The following ALDH1L1 variants were observed in gnomAD, a reference collection of about 807,000 sequenced individuals.
ALDH1L1 encodes the protein cytosolic 10-formyltetrahydrofolate dehydrogenase.
A neutral mutation model predicts 101.1 loss-of-function variants in ALDH1L1; 68 were observed. That is an observed-to-expected ratio of 0.67 (90% CI 0.55 to 0.82). The LOEUF (loss-of-function observed/expected upper bound fraction) is 0.82. Among genes scored for constraint, ALDH1L1 ranks in the 40% least tolerant of loss-of-function variants. The pLI is 0.00. For synonymous variants in ALDH1L1, 486 were observed against 470.8 expected, an observed-to-expected ratio of 1.03 and a Z score of -0.42; for missense variants, 1,087 against 1,172.7, an observed-to-expected ratio of 0.93 and a Z score of 1.07.
At chr3:126,131,721 G>A (rs190018310) in intron 12 of ALDH1L1, among the ~76,000 whole-genome samples, 187 bp from the exon 13 acceptor site, 158 of 152,374 alleles carry the variant, frequency 1.0e-3, no homozygotes, top group African/African-American at 3.7e-3. Flanking sequence ...GGATAGCTGT[G>A]AGGATGACAC....
intron 18 of ALDH1L1, 85 bp from the exon 19 acceptor site, chr3:126,112,965 T>TA: frequency 1.6e-6 from 2 of 1,276,986 alleles, no homozygotes; most frequent in Non-Finnish European, 1.1e-6. Flanking sequence ...CCGCCTCTTC[T>TA]AATTAGGAAA....
chr3:126,135,408 G>A (rs766383335), intron 12 of ALDH1L1, 127 bp downstream of exon 12: 12 of 1,333,790 alleles, frequency 9.0e-6, no homozygotes, highest in Admixed American at 2.7e-5. Flanking sequence ...TGATGGCCTC[G>A]GTCCCATAGC....
chr3:126,132,182 C>A (rs1412422436), intron 12 of ALDH1L1, among the ~76,000 whole-genome samples: 1 of 152,236 alleles, frequency 6.6e-6, no homozygotes, highest in Admixed American at 6.5e-5. Flanking sequence ...CCTCTCATCC[C>A]CTAGGGGGAG....
intron 12 of ALDH1L1, among the ~76,000 whole-genome samples, chr3:126,133,134 C>T (rs1380218060): frequency 6.6e-6 from 1 of 152,220 alleles, no homozygotes; most frequent in Admixed American, 6.5e-5. Flanking sequence ...TTTTCCCACT[C>T]CCAGTTAGGC....
intron 16 of ALDH1L1, among the ~76,000 whole-genome samples, chr3:126,123,377 C>G (rs901371757): frequency 6.6e-6 from 1 of 151,928 alleles, no homozygotes; most frequent in Non-Finnish European, 1.5e-5. Context: ...TCTGCCTCAG[C>G]CTCCAGAGTA....
intron 1 of ALDH1L1, among the ~76,000 whole-genome samples, chr3:126,189,959 G>A (rs1247666201): frequency 6.6e-6 from 1 of 152,194 alleles, no homozygotes; most frequent in African/African-American, 2.4e-5. Flanking sequence ...AAGATTGAGG[G>A]TGATGGGGAC....
At chr3:126,146,999 C>A in intron 8 of ALDH1L1, 73 bp from the exon 9 acceptor site, 1 of 1,414,046 alleles carries the variant, frequency 7.1e-7, no homozygotes, top group Non-Finnish European at 9.8e-7. Flanking sequence ...GACAACAACC[C>A]CTGAACAGAC....
intron 2 of ALDH1L1, chr3:126,159,625 A>G: frequency 2.3e-6 from 1 of 436,390 alleles, no homozygotes; most frequent in South Asian, 1.7e-5. Flanking sequence ...CACTTGCAAA[A>G]GCTGTCCCAC....
At chr3:126,124,306 C>T in intron 16 of ALDH1L1, 58 bp downstream of exon 16, 1 of 1,489,952 alleles carries the variant, frequency 6.7e-7, no homozygotes, top group Non-Finnish European at 9.2e-7. Flanking sequence ...GCCTGCTCTG[C>T]CCAATGGCAT....
Position 126,156,097 on chromosome 3 carries a change from GT to G in ALDH1L1, c.529-595del. ...GGGCTGCCCAATGGAGCCCTCTGTG[GT>G]GATGGATGAGTTCCAAGTCTGCACG... On this transcript the variant is annotated intron_variant, in intron 4 of 22. Coordinates refer to ENST00000393434, the MANE Select transcript of ALDH1L1 (RefSeq NM_012190.4). 3 of 152,492 alleles carry G rather than the reference GT, an allele frequency of 2.0e-5. No individual in the cohort carries two copies. In the East Asian group the frequency reaches 5.8e-4, roughly 29 times the overall value. 9.4% of individuals were successfully genotyped at this position (152,492 alleles called of 1,614,324 possible).
Position 126,137,241 on chromosome 3 carries a change from T to G in ALDH1L1, c.1225-358A>C, listed in dbSNP as rs537693863. On this transcript the variant is annotated intron_variant, in intron 10 of 22. Transcript: ENST00000393434. ...TCCCTGTGGATTGGCAATTCCTCCC[T>G]GAACCCAGGCACCTCTGGGATATGA... Among the ~76,000 whole-genome samples the G allele has an allele frequency of 2.0e-5, 3 of 152,318 alleles. No homozygotes were observed. In the South Asian group the frequency reaches 6.2e-4, roughly 32 times the overall value.
chr3:126,112,672 G>A, intron 19 of ALDH1L1, 110 bp downstream of exon 19: 1 of 1,024,592 alleles, frequency 9.8e-7, no homozygotes, highest in Non-Finnish European at 1.5e-6. Context: ...TCCTCCAGGA[G>A]GAGCCCAGCC....
At chr3:126,109,920 C>G (rs369739118) in intron 20 of ALDH1L1, 24 bp downstream of exon 20, 1 of 1,611,496 alleles carries the variant, frequency 6.2e-7, no homozygotes, top group South Asian at 1.1e-5. Flanking sequence ...TTGACCCAAG[C>G]GGACCTGACA....
intron 1 of ALDH1L1, among the ~76,000 whole-genome samples, chr3:126,177,147 A>G (rs979448768): frequency 1.3e-5 from 2 of 152,236 alleles, no homozygotes; most frequent in Non-Finnish European, 2.9e-5. Context: ...AAGGTTTGGT[A>G]GTTTTTTATA....
intron 1 of ALDH1L1, among the ~76,000 whole-genome samples, chr3:126,175,367 C>T (rs1224563765): frequency 6.6e-6 from 1 of 152,080 alleles, no homozygotes; most frequent in African/African-American, 2.4e-5. Context: ...CTCTAATTTT[C>T]TTGGGTCAGA....
chr3:126,148,468 C>T (rs1289222361), intron 8 of ALDH1L1, among the ~76,000 whole-genome samples: 1 of 152,232 alleles, frequency 6.6e-6, no homozygotes, highest in Non-Finnish European at 1.5e-5. Flanking sequence ...CAGCCCCAGA[C>T]TGGCCTCCCC....
chr3:126,172,532 C>T (rs1246174264), intron 1 of ALDH1L1, among the ~76,000 whole-genome samples: 1 of 151,688 alleles, frequency 6.6e-6, no homozygotes, highest in Non-Finnish European at 1.5e-5. Context: ...AACTGAAATG[C>T]AAAGGGAAAT....
rs772160231 is a variant in ALDH1L1 at position 126,154,542 on chromosome 3, G to T, written c.720+12C>A. The T allele has an allele frequency of 6.2e-7, 1 of 1,613,888 alleles. No homozygotes were observed. Among genetic ancestry groups the T allele is most frequent in the South Asian group, 1.1e-5 (1 of 91,074 alleles). ...ATGCACGTGGCTGGATTCCAGCCAT[G>T]CAGGGACACACCTGTTCACAGGCCT... On this transcript the variant is annotated intron_variant, in intron 6 of 22. Transcript: ENST00000393434.
chr3:126,184,819 G>T (rs893920263), upstream of ALDH1L1, among the ~76,000 whole-genome samples: 1 of 152,206 alleles, frequency 6.6e-6, no homozygotes, highest in Non-Finnish European at 1.5e-5. Flanking sequence ...TTAACTTGAA[G>T]GTCATAGCCT....
Sources: allele counts gnomAD v4.1 joint callset (sites outside exome capture counted in the v4.1 genomes callset), GRCh38; gene constraint gnomAD v4.1.1; transcripts MANE v1.5; gene names NCBI Gene and HGNC (gene_info 2026-07-23, HGNC 2026-07-21).